The following B3GALT1 variants were observed in gnomAD, a reference collection of about 807,000 sequenced individuals.
B3GALT1 encodes the protein UDP-Gal:betaGlcNAc beta 1,3-galactosyltransferase, polypeptide 1.
Under a neutral mutation model 23.2 loss-of-function variants are expected in B3GALT1, and 10 were observed. That is an observed-to-expected ratio of 0.43 (90% CI 0.27 to 0.73). The LOEUF is 0.73. B3GALT1 is among the 30% of genes least tolerant of loss of function. The pLI, the probability that B3GALT1 is intolerant of heterozygous loss-of-function variation, is 0.21. For missense variants in B3GALT1, 299 were observed against 405.4 expected (o/e 0.74, Z 2.25); for synonymous variants, 156 against 141.5 (o/e 1.10, Z -0.73).
chr2:167,579,890 T>C (rs1684454437), intron 2 of B3GALT1, among the ~76,000 whole-genome samples: 1 of 152,156 alleles, frequency 6.6e-6, no homozygotes, highest in Non-Finnish European at 1.5e-5. Flanking sequence ...GAGACTAGAT[T>C]TTTAAAAATA....
chr2:167,439,022 G>C (rs755026563), intron 1 of B3GALT1, among the ~76,000 whole-genome samples: 1 of 152,192 alleles, frequency 6.6e-6, no homozygotes, highest in Non-Finnish European at 1.5e-5. Context: ...ACAAAGAAAG[G>C]CCTGGCTCCC....
chr2:167,605,284 A>T (rs781596609), intron 2 of B3GALT1, among the ~76,000 whole-genome samples: 16 of 152,198 alleles, frequency 1.1e-4, no homozygotes, highest in Non-Finnish European at 1.6e-4. Flanking sequence ...TCCCAAACGT[A>T]GTGGCTTCAA....
chr2:167,826,207 C>T (rs1689221455), intron 4 of B3GALT1, among the ~76,000 whole-genome samples: 1 of 152,190 alleles, frequency 6.6e-6, no homozygotes, highest in Non-Finnish European at 1.5e-5. Flanking sequence ...GGTCACTTGA[C>T]TCCCGGTCTT....
At chr2:167,457,874 C>A (rs1381310493) in intron 1 of B3GALT1, among the ~76,000 whole-genome samples, 1 of 152,138 alleles carries the variant, frequency 6.6e-6, no homozygotes, top group Non-Finnish European at 1.5e-5. Flanking sequence ...TCTTGGGGTG[C>A]TCCCCAACAA....
intron 2 of B3GALT1, among the ~76,000 whole-genome samples, chr2:167,521,360 C>T (rs186541469): frequency 6.6e-6 from 1 of 152,226 alleles, no homozygotes; most frequent in East Asian, 1.9e-4. Flanking sequence ...ATCCCTTTTA[C>T]AGGCAAAACT....
At chr2:167,398,647 A>G (rs1363441376) in intron 1 of B3GALT1, among the ~76,000 whole-genome samples, 1 of 152,172 alleles carries the variant, frequency 6.6e-6, no homozygotes, top group Non-Finnish European at 1.5e-5. Context: ...TGAGAGGAAT[A>G]CCCACCAAGG....
intron 2 of B3GALT1, among the ~76,000 whole-genome samples, chr2:167,529,868 C>T (rs1683291540): frequency 6.6e-6 from 1 of 151,934 alleles, no homozygotes; most frequent in East Asian, 1.9e-4. Context: ...CTACCCTTCC[C>T]CCAAATCTAT....
intron 1 of B3GALT1, among the ~76,000 whole-genome samples, chr2:167,462,327 G>A (rs768745619): frequency 5.9e-5 from 9 of 152,130 alleles, no homozygotes; most frequent in Non-Finnish European, 1.3e-4. Context: ...GCTTAAGCAC[G>A]CAATTGGACT....
intron 1 of B3GALT1, among the ~76,000 whole-genome samples, chr2:167,448,834 A>C (rs1443477294): frequency 6.6e-6 from 1 of 152,160 alleles, no homozygotes; most frequent in African/African-American, 2.4e-5. Context: ...CAATTATCCC[A>C]GGACCATTTG....
At chr2:167,537,243 T>C (rs561516144) in intron 2 of B3GALT1, among the ~76,000 whole-genome samples, 21 of 152,212 alleles carry the variant, frequency 1.4e-4, no homozygotes, top group African/African-American at 5.1e-4. Context: ...TGAGACTTAT[T>C]CATTCACTAC....
At chr2:167,487,638 G>T (rs1386616482) in intron 1 of B3GALT1, among the ~76,000 whole-genome samples, 1 of 152,072 alleles carries the variant, frequency 6.6e-6, no homozygotes, top group African/African-American at 2.4e-5. Flanking sequence ...AGAAACAAGA[G>T]GATTTTTTAA....
chr2:167,558,587 T>C (rs951536590), intron 2 of B3GALT1, among the ~76,000 whole-genome samples: 1 of 152,048 alleles, frequency 6.6e-6, no homozygotes, highest in African/African-American at 2.4e-5. Context: ...ACCTGGAAAA[T>C]TGGATCACTC....
intron 2 of B3GALT1, among the ~76,000 whole-genome samples, chr2:167,576,161 CTTTA>C (rs1558912367): frequency 6.6e-6 from 1 of 151,720 alleles, no homozygotes; most frequent in Non-Finnish European, 1.5e-5. Context: ...CCATAGGCCT[CTTTA>C]TTTAAACACT....
intron 2 of B3GALT1, among the ~76,000 whole-genome samples, chr2:167,638,498 ACTT>A: frequency 6.6e-6 from 1 of 152,148 alleles, no homozygotes; most frequent in Middle Eastern, 3.4e-3. Flanking sequence ...TGTGTTTGAA[ACTT>A]CTTAAGTCAG....
chr2:167,714,626 T>C, intron 3 of B3GALT1: 3 of 1,613,846 alleles, frequency 1.9e-6, no homozygotes, highest in Non-Finnish European at 2.5e-6. Context: ...GTGAGCATTT[T>C]CTTTCCTTAA....
chr2:167,723,096 T>A (rs185580391), intron 3 of B3GALT1, among the ~76,000 whole-genome samples: 1 of 152,348 alleles, frequency 6.6e-6, no homozygotes, highest in Non-Finnish European at 1.5e-5. Flanking sequence ...GTCACTATTT[T>A]GGGTTGATCT....
chr2:167,295,671 A>G (rs776230142), intron 1 of B3GALT1, among the ~76,000 whole-genome samples: 3 of 152,230 alleles, frequency 2.0e-5, no homozygotes, highest in Non-Finnish European at 4.4e-5. Context: ...GACATCAAGT[A>G]ACATTTTATA....
At chr2:167,774,497 G>GTTTTTTTTTTTTTTT (rs397986581) in intron 3 of B3GALT1, among the ~76,000 whole-genome samples, 1 of 83,010 alleles carries the variant, frequency 1.2e-5, no homozygotes, top group Non-Finnish European at 2.2e-5. Context: ...TTTTTTTTTT[G>GTTTTTTTTTTTTTTT]TTTTTTTTTT....
intron 2 of B3GALT1, among the ~76,000 whole-genome samples, chr2:167,563,269 G>A (rs1304764054): frequency 9.0e-5 from 13 of 144,576 alleles, no homozygotes; most frequent in South Asian, 2.2e-4. Flanking sequence ...GCGGCTGGCC[G>A]GGCAGAGGGG....
Sources: allele counts gnomAD v4.1 joint callset (sites outside exome capture counted in the v4.1 genomes callset), GRCh38; gene constraint gnomAD v4.1.1; transcripts MANE v1.5; gene names NCBI Gene and HGNC (gene_info 2026-07-23, HGNC 2026-07-21).